BMPR2: variants seen among roughly 807,000 people sequenced by gnomAD.
BMPR2 encodes the protein bone morphogenetic protein receptor type-2.
A neutral mutation model predicts 100.8 loss-of-function variants in BMPR2; 29 were observed. The ratio of observed to expected loss-of-function variants is 0.29; its 90% CI spans 0.21 to 0.39. The LOEUF (loss-of-function observed/expected upper bound fraction) is 0.39. BMPR2 is among the 10% of genes least tolerant of loss of function. The pLI, the probability that BMPR2 is intolerant of heterozygous loss-of-function variation, is 1.00. For missense variants in BMPR2, 1,011 were observed against 1,274.5 expected, an observed-to-expected ratio of 0.79 and a Z score of 3.15; for synonymous variants, 382 against 442.3, an observed-to-expected ratio of 0.86 and a Z score of 1.71.
At chr2:202,508,869 C>G (rs1559059780) in intron 3 of BMPR2, among the ~76,000 whole-genome samples, 4 of 152,058 alleles carry the variant, frequency 2.6e-5, no homozygotes, top group Admixed American at 2.0e-4. Flanking sequence ...AAGAAAATTC[C>G]AGAGACAAAA....
At chr2:202,512,640 C>A (rs1687645176) in intron 3 of BMPR2, among the ~76,000 whole-genome samples, 1 of 152,166 alleles carries the variant, frequency 6.6e-6, no homozygotes, top group African/African-American at 2.4e-5. Flanking sequence ...TTGTGGCCAT[C>A]CATCCTAAAG....
At position 202,562,851 on chromosome 2, in the gene BMPR2, ACT is replaced by A. The variant is rs1375907056; in HGVS notation, c.*2906_*2907del. The stretch of plus-strand genomic sequence containing the variant: ...GCATAATTGGCAAAAAAAAAAACCC[ACT>A]GTTACCAGTGTAGGAAGTTACAAGA... On this transcript the variant is annotated 3_prime_UTR_variant, in exon 13 of 13. Coordinates refer to ENST00000374580, the MANE Select transcript of BMPR2 (RefSeq NM_001204.7). 1.3e-5 allele frequency: 2 copies of A among 151,620 alleles called. No homozygotes were observed. The highest frequency in any genetic ancestry group is 4.8e-5 in the African/African-American group (2 of 41,310). 9.4% of individuals were successfully genotyped at this position (151,620 alleles called of 1,614,324 possible).
At chr2:202,388,456 T>A (rs1280752429) in intron 1 of BMPR2, among the ~76,000 whole-genome samples, 2 of 147,516 alleles carry the variant, frequency 1.4e-5, no homozygotes, top group Non-Finnish European at 3.0e-5. Context: ...TGTAAGAAAT[T>A]GAGTTATTCT....
At chr2:202,484,563 C>T (rs1230288326) in intron 3 of BMPR2, among the ~76,000 whole-genome samples, 1 of 151,828 alleles carries the variant, frequency 6.6e-6, no homozygotes, top group African/African-American at 2.4e-5. Context: ...GTCCCAGCTG[C>T]TGGGGAGGCT....
intron 1 of BMPR2, among the ~76,000 whole-genome samples, chr2:202,453,032 A>C (rs1486753311): frequency 6.6e-6 from 1 of 152,178 alleles, no homozygotes; most frequent in Non-Finnish European, 1.5e-5. Context: ...TATGTGTGCT[A>C]TCTGGATGAA....
At chr2:202,548,606 T>G in intron 10 of BMPR2, among the ~76,000 whole-genome samples, 1 of 152,224 alleles carries the variant, frequency 6.6e-6, no homozygotes, top group East Asian at 1.9e-4. Context: ...GAGCTGATTT[T>G]ATGACCCACC....
Position 202,440,775 on chromosome 2 carries a change from AGGGAGACCG to A in BMPR2, c.77-24008_77-24000del, listed in dbSNP as rs768517153. On this transcript the variant is annotated intron_variant, in intron 1 of 12. Transcript: ENST00000374580. ...CAGTCCAGCCTTGGCTTGGCATCAG[AGGGAGACCG>A]GGGAGACCGGGGAGACCGGGGAGAC... 2.4e-3 allele frequency among the ~76,000 whole-genome samples: 367 copies of A among 150,270 alleles called. 30 individuals carry two copies. The highest frequency in any genetic ancestry group is 7.8e-3 in the African/African-American group (311 of 39,786).
intron 9 of BMPR2, among the ~76,000 whole-genome samples, chr2:202,534,569 G>C (rs1260333822): frequency 1.3e-5 from 2 of 152,176 alleles, no homozygotes; most frequent in Non-Finnish European, 2.9e-5. Context: ...GAGAGCACAG[G>C]GTTGGGGGCA....
At position 202,537,096 on chromosome 2, in the gene BMPR2, G is replaced by A. The variant is rs567994816; in HGVS notation, c.1276+4364G>A. 1.3e-4 allele frequency among the ~76,000 whole-genome samples: 19 copies of A among 151,926 alleles called. No individual in the cohort carries two copies. In the Middle Eastern group the frequency reaches 0.01, roughly 82 times the overall value. The stretch of plus-strand genomic sequence containing the variant: ...TTTTTTGTCGAGACAGTGTTTTGCT[G>A]TATTGCCCAGGCTGGCCTCGAACTC... On this transcript the variant is annotated intron_variant, in intron 9 of 12. Transcript: ENST00000374580.
Position 202,377,625 on chromosome 2 carries a change from G to A in BMPR2, c.76+75G>A, listed in dbSNP as rs182160960. The A allele has an allele frequency of 1.4e-4, 214 of 1,531,188 alleles. No homozygotes were observed. In the African/African-American group the frequency reaches 1.8e-3, roughly 13 times the overall value. The allele number at this position is 1,531,188 out of a possible 1,614,324, so 94.9% of individuals were successfully genotyped here. A position where few individuals can be genotyped will look rare whatever the true frequency, so the allele number is the denominator to read the frequency against. On this transcript the variant is annotated intron_variant, in intron 1 of 12. Transcript: ENST00000374580. ...AGGGAGGGAGCCCGCAGAGGCCGAGGCCTGTGCTTGCCCTTCGCCATGCGT... is the reference window on the plus strand; with the variant it reads ...AGGGAGGGAGCCCGCAGAGGCCGAGACCTGTGCTTGCCCTTCGCCATGCGT...
At position 202,468,060 on chromosome 2, in the gene BMPR2, A is replaced by C. The variant is rs573843729; in HGVS notation, c.418+371A>C. Among the ~76,000 whole-genome samples, 3 of 152,164 alleles carry C rather than the reference A, an allele frequency of 2.0e-5. No individual in the cohort carries two copies. In the South Asian group the frequency reaches 6.2e-4, roughly 32 times the overall value. The stretch of plus-strand genomic sequence containing the variant: ...GAACCTAAAAGAAAAAAAAAATTCA[A>C]AGTTGTTGGGAGTGAGAGGTAGAGT... On this transcript the variant is annotated intron_variant, in intron 3 of 12. Transcript: ENST00000374580.
chr2:202,535,752 G>A (rs1688141895), intron 9 of BMPR2, among the ~76,000 whole-genome samples: 1 of 152,184 alleles, frequency 6.6e-6, no homozygotes, highest in Non-Finnish European at 1.5e-5. Context: ...GGTGGAGGTT[G>A]TAGCGAGCCG....
At chr2:202,437,401 G>A (rs1019390566) in intron 1 of BMPR2, among the ~76,000 whole-genome samples, 1 of 150,362 alleles carries the variant, frequency 6.7e-6, no homozygotes, top group African/African-American at 2.5e-5. Context: ...CTTTTTTTAT[G>A]TTATTTTATA....
intron 1 of BMPR2, among the ~76,000 whole-genome samples, chr2:202,381,851 G>C (rs1315035893): frequency 1.3e-5 from 2 of 151,800 alleles, no homozygotes; most frequent in African/African-American, 2.4e-5. Flanking sequence ...GTTCACACAA[G>C]ACAAAACCTT....
At chr2:202,456,931 A>G (rs1574458929) in intron 1 of BMPR2, among the ~76,000 whole-genome samples, 1 of 152,218 alleles carries the variant, frequency 6.6e-6, no homozygotes, top group East Asian at 1.9e-4. Flanking sequence ...TGTCTCTTAG[A>G]AGACACACAA....
chr2:202,514,806 TAAGTGTAATATTATAAA>T (rs1687683819), intron 4 of BMPR2, 65 bp from the exon 5 acceptor site: 4 of 1,121,724 alleles, frequency 3.6e-6, no homozygotes, highest in Non-Finnish European at 5.3e-6. Flanking sequence ...CTCTTCTTTT[TAAGTGTAATATTATAAA>T]AAGTGTAAAA....
Position 202,544,761 on chromosome 2 carries a change from C to CTT in BMPR2, c.1413+2334_1413+2335dup, listed in dbSNP as rs56654364. On this transcript the variant is annotated intron_variant, in intron 10 of 12. Coordinates refer to ENST00000374580, the MANE Select transcript of BMPR2 (RefSeq NM_001204.7). ...GGAATTTTCTTTTTTCTTTTTCTTT[C>CTT]TTTTTTTTTTTTTTTTTTTTTGAGA... 7.1e-3 allele frequency among the ~76,000 whole-genome samples: 584 copies of CTT among 82,652 alleles called. 8 individuals carry two copies. The highest frequency in any genetic ancestry group is 0.041 in the South Asian group (95 of 2,318). The allele number at this position is 82,652 out of a possible 152,430, so 54.2% of individuals were successfully genotyped here.
intron 5 of BMPR2, among the ~76,000 whole-genome samples, chr2:202,518,119 C>CCT (rs1309515574): frequency 4.8e-5 from 7 of 145,262 alleles, no homozygotes; most frequent in Admixed American, 4.2e-4. Context: ...AGCCACCGCG[C>CCT]CTGGCCTCTT....
At chr2:202,469,065 T>A (rs942995730) in intron 3 of BMPR2, among the ~76,000 whole-genome samples, 1 of 152,192 alleles carries the variant, frequency 6.6e-6, no homozygotes, top group Non-Finnish European at 1.5e-5. Context: ...AGTTTCGCTC[T>A]TGTTGCCGAG....
Sources: gnomAD v4.1 joint callset for allele counts (sites outside exome capture counted in the v4.1 genomes callset) on GRCh38, gnomAD v4.1.1 for gene constraint, MANE v1.5 for transcripts, NCBI Gene and HGNC (gene_info 2026-07-23, HGNC 2026-07-21) for gene names.